Variants in HHIPL1 observed in about 807,000 individuals in gnomAD.
The protein encoded by HHIPL1 is HHIP-like protein 1.
In HHIPL1, 43 loss-of-function variants were observed where a neutral mutation model predicts 61.8. The ratio of observed to expected loss-of-function variants is 0.70; its 90% CI spans 0.55 to 0.90. HHIPL1 has a LOEUF of 0.90. Among genes scored for constraint, HHIPL1 ranks in the 40% least tolerant of loss-of-function variants. HHIPL1 has a pLI of 0.00. For missense variants in HHIPL1, 1,056 were observed against 1,157.7 expected (o/e 0.91, Z 1.28); for synonymous variants, 482 against 515.8 (o/e 0.93, Z 0.89).
intron 5 of HHIPL1, among the ~76,000 whole-genome samples, chr14:99,661,595 A>G (rs1305835105): frequency 1.3e-5 from 2 of 152,062 alleles, no homozygotes; most frequent in Non-Finnish European, 2.9e-5. Context: ...AGCCTCCTGA[A>G]TAGTTGAGAT....
the HHIPL1 span, among the ~76,000 whole-genome samples, chr14:99,629,031 G>A: frequency 6.6e-6 from 1 of 152,180 alleles, no homozygotes; most frequent in Non-Finnish European, 1.5e-5. Context: ...GCCCCCTAGC[G>A]GCCCGAGGAG....
upstream of HHIPL1, among the ~76,000 whole-genome samples, chr14:99,640,926 G>A (rs541951502): frequency 8.9e-5 from 10 of 112,288 alleles, no homozygotes; most frequent in East Asian, 1.2e-3. Flanking sequence ...TCTCTCTCTC[G>A]CCCAGGCTGG....
chr14:99,610,916 C>G, the HHIPL1 span, among the ~76,000 whole-genome samples: 1 of 152,176 alleles, frequency 6.6e-6, no homozygotes, highest in Non-Finnish European at 1.5e-5. Context: ...TACTCAACCT[C>G]AGCGTGGTTG....
intron 1 of HHIPL1, among the ~76,000 whole-genome samples, chr14:99,646,411 G>A (rs981341318): frequency 6.6e-6 from 1 of 152,250 alleles, no homozygotes; most frequent in African/African-American, 2.4e-5. Context: ...CTTGGAGTTG[G>A]AGTTTGATCC....
the HHIPL1 span, among the ~76,000 whole-genome samples, chr14:99,615,685 AAGAAAGAAAG>A: frequency 5.3e-5 from 8 of 151,446 alleles, no homozygotes; most frequent in African/African-American, 9.7e-5. Context: ...GAAGGAAGGA[AAGAAAGAAAG>A]AGAAAGAAAG....
At chr14:99,641,272 G>T (rs1378468015), upstream of HHIPL1, among the ~76,000 whole-genome samples, 1 of 152,068 alleles carries the variant, frequency 6.6e-6, no homozygotes, top group Non-Finnish European at 1.5e-5. Context: ...TTCTGGCAAA[G>T]CTTTCATTTC....
the HHIPL1 span, among the ~76,000 whole-genome samples, chr14:99,610,995 A>G: frequency 1.3e-5 from 2 of 152,232 alleles, no homozygotes; most frequent in African/African-American, 2.4e-5. Context: ...TGACGGAAGT[A>G]GTACCCCTGT....
At chr14:99,619,020 G>C in the HHIPL1 span, among the ~76,000 whole-genome samples, 1 of 152,198 alleles carries the variant, frequency 6.6e-6, no homozygotes, top group Non-Finnish European at 1.5e-5. Context: ...GGACTGGGGA[G>C]GGTGAGAGGG....
rs146755923 is a variant in HHIPL1, at chr14:99,663,020, C to T, written c.1647C>T (p.Ala549=). 109 of 1,602,116 alleles carry T rather than the reference C, an allele frequency of 6.8e-5. No individual in the cohort carries two copies. The East Asian group carries it at 1.5e-3, about 22-fold the overall frequency. ...TCATCTCCTTCGGGGAGGACGAGGC[C>T]GGTGAGCACTCCTGAGACCTCTCCT... The part of the protein sequence containing the change: ...PYIISFGEDE[A]GELYFMSTGE... Residue 549 remains alanine, a splice_region_variant and synonymous_variant, in exon 6 of 9, where the codon GCC becomes GCT. Coordinates refer to ENST00000330710, the MANE Select transcript of HHIPL1 (RefSeq NM_001127258.3).
At chr14:99,620,580 C>T in the HHIPL1 span, among the ~76,000 whole-genome samples, 1 of 152,256 alleles carries the variant, frequency 6.6e-6, no homozygotes, top group Non-Finnish European at 1.5e-5. Flanking sequence ...AGACATCAGC[C>T]CCTCCCAGCT....
chr14:99,660,241 C>A lies in HHIPL1; in HGVS notation c.1376-39C>A. 6.2e-7 allele frequency: 1 copy of A among 1,612,836 alleles called. No homozygotes were observed. The highest frequency in any genetic ancestry group is 8.5e-7 in the Non-Finnish European group (1 of 1,179,638). ...TCTCCTGGCTGATGAACCTTCCCGC[C>A]GCTGGCTCACCGAAGCTTCTCTCCC... On this transcript the variant is annotated intron_variant, in intron 4 of 8. Transcript: ENST00000330710. The surrounding 1 kb of genome is among the most constrained non-coding windows in gnomAD (Gnocchi z 4.9).
chr14:99,656,834 AG>A (rs1566809865), intron 2 of HHIPL1, among the ~76,000 whole-genome samples, 165 bp from the exon 3 acceptor site: 1,016 of 7,254 alleles, frequency 0.14, 232 homozygotes, highest in African/African-American at 0.19. Context: ...AAAGAAAGAA[AG>A]AAAGGAAGGA....
At chr14:99,629,908 A>G in the HHIPL1 span, among the ~76,000 whole-genome samples, 1 of 152,242 alleles carries the variant, frequency 6.6e-6, no homozygotes, top group South Asian at 2.1e-4. Context: ...GCAGCCTGAA[A>G]GTGTTCTCAT....
At chr14:99,661,577 C>G (rs2056154847) in intron 5 of HHIPL1, among the ~76,000 whole-genome samples, 1 of 152,088 alleles carries the variant, frequency 6.6e-6, no homozygotes, top group Admixed American at 6.6e-5. Flanking sequence ...AAGCAATCCT[C>G]CCACCTCAGC....
the HHIPL1 span, among the ~76,000 whole-genome samples, chr14:99,617,921 G>A: frequency 1.3e-5 from 2 of 152,176 alleles, no homozygotes; most frequent in Non-Finnish European, 2.9e-5. Context: ...GCTGGGGCTC[G>A]GGTATATGTT....
In HHIPL1 at chr14:99,677,695, AGCCAGG is replaced by A. The variant is rs1255845691; in HGVS notation, c.*2073_*2078del. On this transcript the variant is annotated 3_prime_UTR_variant, in exon 9 of 9. Coordinates refer to ENST00000330710, the MANE Select transcript of HHIPL1 (RefSeq NM_001127258.3). The surrounding 1 kb of genome is among the most constrained non-coding windows in gnomAD (Gnocchi z 4.3). ...CTTGAGGCCCTCAAGAATGCAGCCG[AGCCAGG>A]GCCCTGCTTGCCTGGCCCCAGAAGC... is the stretch of plus-strand genomic sequence containing the variant. 7 of 152,386 alleles carry A rather than the reference AGCCAGG, an allele frequency of 4.6e-5. No individual in the cohort carries two copies. The highest frequency in any genetic ancestry group is 8.8e-5 in the Non-Finnish European group (6 of 68,082). The allele number at this position is 152,386 out of a possible 1,614,324, so 9.4% of individuals were successfully genotyped here.
upstream of HHIPL1, among the ~76,000 whole-genome samples, chr14:99,644,286 G>A (rs1357497008): frequency 6.6e-6 from 1 of 152,202 alleles, no homozygotes; most frequent in Admixed American, 6.5e-5. Flanking sequence ...AGATGGGGAA[G>A]GACACTCCAG....
the HHIPL1 span, among the ~76,000 whole-genome samples, chr14:99,608,310 A>G: frequency 1.3e-5 from 2 of 152,204 alleles, no homozygotes; most frequent in Non-Finnish European, 1.5e-5. Context: ...TGACAATGAC[A>G]ATAACCAACA....
rs568875334 is a variant in HHIPL1, at chr14:99,659,494, C to A, written c.1113C>A (p.Gly371=). The stretch of plus-strand genomic sequence containing the variant: ...GTAAGGAGCGCGGCCTGCCCTACGG[C>A]ATCCCGCCCGACAACCCGTTCGTGG... ...VDRKERGLPY[G]IPPDNPFVGD... Residue 371 remains glycine, a synonymous_variant, in exon 4 of 9, where the codon GGC becomes GGA. Transcript: ENST00000330710. The A allele has an allele frequency of 2.6e-6, 4 of 1,539,440 alleles. No individual in the cohort carries two copies. The African/African-American group carries it at 4.2e-5, about 16-fold the overall frequency.
Sources: allele counts gnomAD v4.1 joint callset (sites outside exome capture counted in the v4.1 genomes callset), GRCh38; gene constraint gnomAD v4.1.1; non-coding constraint Gnocchi (gnomAD v3.1); transcripts MANE v1.5; gene names NCBI Gene and HGNC (gene_info 2026-07-23, HGNC 2026-07-21).